ESRRG: variants seen among roughly 807,000 people sequenced by gnomAD.
ESRRG encodes estrogen-related receptor gamma.
A neutral mutation model predicts 44.0 loss-of-function variants in ESRRG; 13 were observed. The observed-to-expected ratio is 0.30, with a 90% CI of 0.19 to 0.47. The LOEUF (loss-of-function observed/expected upper bound fraction) is 0.47. Among genes scored for constraint, ESRRG ranks in the 20% least tolerant of loss-of-function variants. ESRRG has a pLI of 1.00. For missense variants in ESRRG, 395 were observed against 580.6 expected, an observed-to-expected ratio of 0.68 and a Z score of 3.29; for synonymous variants, 215 against 214.6, an observed-to-expected ratio of 1.00 and a Z score of -0.02.
At chr1:216,686,364 T>C (rs1245163600) in intron 1 of ESRRG, among the ~76,000 whole-genome samples, 3 of 147,338 alleles carry the variant, frequency 2.0e-5, no homozygotes, top group Non-Finnish European at 1.5e-5. Flanking sequence ...AAATAACATA[T>C]ATCTGCATAT....
chr1:216,781,767 G>A (rs1453283395), intron 2 of ESRRG, among the ~76,000 whole-genome samples: 1 of 151,974 alleles, frequency 6.6e-6, no homozygotes, highest in Non-Finnish European at 1.5e-5. Flanking sequence ...ATAGGGGAGT[G>A]GCAAGCCTTA....
Position 216,962,534 on chromosome 1 carries a change from T to C in ESRRG, c.-105-22861A>G, listed in dbSNP as rs930316202. Among the ~76,000 whole-genome samples the C allele has an allele frequency of 1.1e-4, 16 of 152,040 alleles. 1 individual carries two copies. The East Asian group carries it at 3.1e-3, about 29-fold the overall frequency. On this transcript the variant is annotated intron_variant, in intron 1 of 7. Coordinates refer to the ESRRG transcript ENST00000359162. Reference sequence around the variant, plus strand: ...TGCATCTGTTGTCTCATCCATTAGATGGTGTGTTTCCACAAGTAGGAATCT... The same window carrying C: ...TGCATCTGTTGTCTCATCCATTAGACGGTGTGTTTCCACAAGTAGGAATCT...
chr1:216,599,765 T>C (rs561390692), intron 3 of ESRRG, among the ~76,000 whole-genome samples: 83 of 151,524 alleles, frequency 5.5e-4, no homozygotes, highest in African/African-American at 1.9e-3. Context: ...GTGATAGTAA[T>C]GAAATCTGGC....
intron 3 of ESRRG, among the ~76,000 whole-genome samples, chr1:216,644,579 C>A (rs977728509): frequency 6.6e-6 from 1 of 151,868 alleles, no homozygotes; most frequent in Admixed American, 6.6e-5. Context: ...CAGGTGTGTG[C>A]CACCACACCT....
At chr1:216,803,711 G>A (rs953511892) in intron 2 of ESRRG, among the ~76,000 whole-genome samples, 2 of 151,966 alleles carry the variant, frequency 1.3e-5, no homozygotes, top group South Asian at 2.1e-4. Flanking sequence ...CGAGCCCTTC[G>A]TGTGATTAAT....
Position 216,910,241 on chromosome 1 carries a change from T to TACAC in ESRRG, c.-14+29337_-14+29340dup, listed in dbSNP as rs113961991. Among the ~76,000 whole-genome samples the TACAC allele has an allele frequency of 5.0e-4, 74 of 148,860 alleles. 1 individual carries two copies. The highest frequency in any genetic ancestry group is 1.6e-3 in the African/African-American group (67 of 40,698). On this transcript the variant is annotated intron_variant, in intron 2 of 7. Coordinates refer to the ESRRG transcript ENST00000359162. ...ACACACACACACAAACAGGCACACA[T>TACAC]ACACACACACACACACACGCATACA...
At chr1:217,033,298 A>G (rs1324335177) in intron 1 of ESRRG, among the ~76,000 whole-genome samples, 1 of 152,176 alleles carries the variant, frequency 6.6e-6, no homozygotes, top group Admixed American at 6.5e-5. Flanking sequence ...AAACTCACAA[A>G]TCTCAGAGGC....
At chr1:217,014,381 G>T (rs992291537) in intron 1 of ESRRG, among the ~76,000 whole-genome samples, 2 of 152,052 alleles carry the variant, frequency 1.3e-5, no homozygotes, top group African/African-American at 2.4e-5. Flanking sequence ...ATAGGAAATT[G>T]TTCAGTGACT....
chr1:217,013,297 A>T (rs1195576158), intron 1 of ESRRG, among the ~76,000 whole-genome samples: 1 of 152,258 alleles, frequency 6.6e-6, no homozygotes, highest in Non-Finnish European at 1.5e-5. Flanking sequence ...TAGTTCACTG[A>T]GCAAAGCAGA....
chr1:216,893,606 A>G (rs1330427085), intron 2 of ESRRG, among the ~76,000 whole-genome samples: 4 of 152,174 alleles, frequency 2.6e-5, no homozygotes, highest in Non-Finnish European at 2.9e-5. Context: ...TGTAAACAGG[A>G]AAGGACATAT....
chr1:216,518,934 G>C lies in ESRRG; in HGVS notation c.1132+218C>G, dbSNP rs150170240. Among the ~76,000 whole-genome samples the C allele has an allele frequency of 3.7e-3, 562 of 152,224 alleles. 4 individuals carry two copies. The highest frequency in any genetic ancestry group is 0.013 in the African/African-American group (541 of 41,546). On this transcript the variant is annotated intron_variant, in intron 6 of 6. Coordinates refer to ENST00000408911, the MANE Select transcript of ESRRG (RefSeq NM_001438.4). ...TTAGTACATGCATTAGTTGATAAAA[G>C]TTTCAAAGCATTCAATAAGCAAGTC...
chr1:216,813,815 G>C (rs1179592578), intron 2 of ESRRG, among the ~76,000 whole-genome samples: 1 of 152,080 alleles, frequency 6.6e-6, no homozygotes, highest in Admixed American at 6.6e-5. Context: ...ATGTCGGGGG[G>C]ACATCACTCA....
chr1:216,907,680 A>G (rs2059838219), intron 2 of ESRRG, among the ~76,000 whole-genome samples: 1 of 152,200 alleles, frequency 6.6e-6, no homozygotes, highest in Non-Finnish European at 1.5e-5. Context: ...AATAGAATAT[A>G]CCAGGCATAT....
At chr1:216,957,441 A>G (rs1049027463) in intron 1 of ESRRG, among the ~76,000 whole-genome samples, 9 of 152,282 alleles carry the variant, frequency 5.9e-5, no homozygotes, top group Admixed American at 1.3e-4. Flanking sequence ...TAACATTTCC[A>G]AAAATGAATC....
At chr1:216,858,590 T>A (rs1219118888) in intron 2 of ESRRG, among the ~76,000 whole-genome samples, 2 of 152,160 alleles carry the variant, frequency 1.3e-5, no homozygotes, top group Non-Finnish European at 2.9e-5. Context: ...CAAGATTTGG[T>A]AAAGGGGCCA....
At chr1:216,610,616 A>C (rs1399247664) in intron 3 of ESRRG, among the ~76,000 whole-genome samples, 1 of 152,130 alleles carries the variant, frequency 6.6e-6, no homozygotes, top group Non-Finnish European at 1.5e-5. Flanking sequence ...GGGAAGGATA[A>C]CCAAATACTT....
intron 5 of ESRRG, among the ~76,000 whole-genome samples, chr1:216,563,861 C>A (rs10863255): frequency 6.6e-6 from 1 of 152,086 alleles, no homozygotes; most frequent in Admixed American, 6.5e-5. Context: ...ATTAGGCTAC[C>A]GCTGACAAAA....
In ESRRG at chr1:216,937,230, A is replaced by G. The variant is rs1404907555; in HGVS notation, c.-14+2352T>C. On this transcript the variant is annotated intron_variant, in intron 2 of 7. Coordinates refer to the ESRRG transcript ENST00000359162. The stretch of plus-strand genomic sequence containing the variant: ...GACATTAAAGATGGAAACAATAAAA[A>G]TAGTCAGGAAGAGCAGAAAAAAAAA... 1.6e-4 allele frequency among the ~76,000 whole-genome samples: 24 copies of G among 147,788 alleles called. No homozygotes were observed. The Admixed American group carries it at 1.6e-3, about 10-fold the overall frequency.
intron 3 of ESRRG, among the ~76,000 whole-genome samples, chr1:216,572,515 T>C (rs929040312): frequency 2.0e-5 from 3 of 152,078 alleles, no homozygotes; most frequent in Non-Finnish European, 2.9e-5. Flanking sequence ...ATAGATATCA[T>C]GAAGATATCT....
Sources: gnomAD v4.1 joint callset for allele counts (sites outside exome capture counted in the v4.1 genomes callset) on GRCh38, gnomAD v4.1.1 for gene constraint, MANE v1.5 for transcripts, NCBI Gene and HGNC (gene_info 2026-07-23, HGNC 2026-07-21) for gene names.